The following TMEM68 variants were observed in gnomAD, a reference collection of about 807,000 sequenced individuals.
The protein encoded by TMEM68 is transmembrane protein 68, also known as DGAT1/2-independent enzyme synthesizing storage lipids.
TMEM68 carries 25 observed loss-of-function variants against 36.9 expected under a neutral mutation model. The observed-to-expected ratio is 0.68, with a 90% CI of 0.49 to 0.95. The LOEUF (loss-of-function observed/expected upper bound fraction) is 0.95, where lower values mean the gene tolerates loss of function less well. Ranked by LOEUF, TMEM68 falls within the 40% of genes least tolerant of loss-of-function variation. The pLI, the probability that TMEM68 is intolerant of heterozygous loss-of-function variation, is 0.00. For missense variants in TMEM68, 333 were observed against 392.0 expected, an observed-to-expected ratio of 0.85 and a Z score of 1.27; for synonymous variants, 131 against 124.4, an observed-to-expected ratio of 1.05 and a Z score of -0.35.
chr8:55,762,043 A>T (rs1338995467), intron 3 of TMEM68: 4 of 152,214 alleles, frequency 2.6e-5, no homozygotes, highest in Non-Finnish European at 5.9e-5. Flanking sequence ...AATTTTCATG[A>T]TGGCCAAACA....
intron 3 of TMEM68, among the ~76,000 whole-genome samples, chr8:55,759,767 T>C (rs917079766): frequency 1.3e-5 from 2 of 152,290 alleles, no homozygotes; most frequent in South Asian, 4.1e-4. Flanking sequence ...CTTTAGAAAT[T>C]TCCTCATTCT....
intron 4 of TMEM68, among the ~76,000 whole-genome samples, chr8:55,755,990 A>C (rs1810594064): frequency 6.6e-6 from 1 of 151,976 alleles, no homozygotes; most frequent in African/African-American, 2.4e-5. Context: ...ATTTTCACTT[A>C]AAAATAAACA....
At chr8:55,745,401 ATAT>A (rs1223020302) in intron 5 of TMEM68, 1 of 192,776 alleles carries the variant, frequency 5.2e-6, no homozygotes, top group African/African-American at 2.3e-5. Flanking sequence ...GGCCTGTTTG[ATAT>A]TATGAAAATA....
chr8:55,766,895 A>G (rs1410397505), intron 1 of TMEM68, among the ~76,000 whole-genome samples: 2 of 152,204 alleles, frequency 1.3e-5, no homozygotes, highest in Non-Finnish European at 2.9e-5. Context: ...TATTTTGAAG[A>G]TAATGCCAAC....
At chr8:55,754,767 T>C (rs1810540552) in intron 4 of TMEM68, among the ~76,000 whole-genome samples, 1 of 38,014 alleles carries the variant, frequency 2.6e-5, no homozygotes, top group African/African-American at 7.9e-5. Context: ...AATACATACA[T>C]TATATATTTA....
rs371919764 is a variant in TMEM68, at chr8:55,758,121, CA to C, written c.326-1711del. On this transcript the variant is annotated intron_variant, in intron 3 of 7. Coordinates refer to ENST00000434581, the MANE Select transcript of TMEM68 (RefSeq NM_001286657.2). Reference sequence around the variant, plus strand: ...AGACTCTTCCTGTGGCAAAGGCATACAGGACTGAAGGTGGAGCAGAAACAAC... The same window carrying C: ...AGACTCTTCCTGTGGCAAAGGCATACGGACTGAAGGTGGAGCAGAAACAAC... Among the ~76,000 whole-genome samples, 7 of 152,222 alleles carry C rather than the reference CA, an allele frequency of 4.6e-5. No homozygotes were observed. The East Asian group carries it at 1.2e-3, about 25-fold the overall frequency.
intron 1 of TMEM68, among the ~76,000 whole-genome samples, chr8:55,768,662 A>T (rs1811050645): frequency 6.6e-6 from 1 of 152,052 alleles, no homozygotes; most frequent in African/African-American, 2.4e-5. Flanking sequence ...CCTGGGCAAC[A>T]CAGTGAAACC....
At chr8:55,754,709 T>C (rs1213608096) in intron 4 of TMEM68, among the ~76,000 whole-genome samples, 29 of 124,416 alleles carry the variant, frequency 2.3e-4, no homozygotes, top group African/African-American at 8.6e-4. Flanking sequence ...TACATACTTA[T>C]ATATATATTA....
chr8:55,744,291 C>CA (rs1810195403), intron 6 of TMEM68, among the ~76,000 whole-genome samples: 1 of 19,146 alleles, frequency 5.2e-5, no homozygotes, highest in African/African-American at 2.5e-4. Context: ...AACAAACTGA[C>CA]AGACTAAATT....
chr8:55,762,660 C>T lies in TMEM68; in HGVS notation c.300G>A (p.Trp100Ter). ...DGARKTVATL[W>*]DGHAAVWHGY... ...CATGCCAAACGGCTGCATGTCCATC[C>T]CACAGAGTTGCCACTGTTTTCCTTG... Residue 100 changes from tryptophan (W) to a stop codon, truncating the protein, a stop_gained, in exon 3 of 8, where the codon TGG becomes TGA. Coordinates refer to ENST00000434581, the MANE Select transcript of TMEM68 (RefSeq NM_001286657.2). LOFTEE classifies it high-confidence loss of function. 1 of 1,614,166 alleles carries T rather than the reference C, an allele frequency of 6.2e-7. No homozygotes were observed. Among genetic ancestry groups the T allele is most frequent in the Non-Finnish European group, 8.5e-7 (1 of 1,180,038 alleles).
intron 7 of TMEM68, among the ~76,000 whole-genome samples, chr8:55,742,621 C>A (rs1362482628): frequency 6.6e-6 from 1 of 152,028 alleles, no homozygotes; most frequent in African/African-American, 2.4e-5. Context: ...TTCACTGTAA[C>A]CTTGACCTCC....
At chr8:55,740,569 A>G (rs895925330) in intron 7 of TMEM68, among the ~76,000 whole-genome samples, 2 of 152,202 alleles carry the variant, frequency 1.3e-5, no homozygotes, top group African/African-American at 4.8e-5. Flanking sequence ...TACATCTTAG[A>G]ATTTCTCCAG....
At chr8:55,767,294 A>G (rs1190506411) in intron 1 of TMEM68, among the ~76,000 whole-genome samples, 2 of 152,204 alleles carry the variant, frequency 1.3e-5, no homozygotes, top group African/African-American at 4.8e-5. Flanking sequence ...TATTGCTTAT[A>G]AGCATCTAAG....
chr8:55,753,550 T>A (rs1347484999), intron 4 of TMEM68, among the ~76,000 whole-genome samples: 1 of 152,192 alleles, frequency 6.6e-6, no homozygotes, highest in South Asian at 2.1e-4. Flanking sequence ...TAGTGACACA[T>A]GGATACCCAA....
chr8:55,765,105 T>A (rs927483311), intron 1 of TMEM68, among the ~76,000 whole-genome samples: 1 of 152,024 alleles, frequency 6.6e-6, no homozygotes, highest in Non-Finnish European at 1.5e-5. Flanking sequence ...CAAATCACTA[T>A]AATTTACCCA....
intron 4 of TMEM68, among the ~76,000 whole-genome samples, chr8:55,754,691 A>ATATAAAATACATATAT (rs1371815181): frequency 6.2e-5 from 8 of 129,736 alleles, no homozygotes; most frequent in South Asian, 2.2e-4. Flanking sequence ...TATATATTAT[A>ATATAAAATACATATAT]TATGAAATAC....
intron 1 of TMEM68, among the ~76,000 whole-genome samples, chr8:55,767,924 G>A (rs1031991388): frequency 1.3e-5 from 2 of 151,656 alleles, no homozygotes; most frequent in Non-Finnish European, 2.9e-5. Flanking sequence ...CAACAACAGC[G>A]AAACTCAGTC....
intron 4 of TMEM68, among the ~76,000 whole-genome samples, chr8:55,755,237 G>T (rs1254649797): frequency 6.6e-6 from 1 of 151,122 alleles, no homozygotes; most frequent in Non-Finnish European, 1.5e-5. Context: ...TACTTTTTAG[G>T]GTAGTATAAT....
chr8:55,741,123 T>C (rs547849712), intron 7 of TMEM68, among the ~76,000 whole-genome samples: 299 of 152,140 alleles, frequency 2.0e-3, no homozygotes, highest in South Asian at 5.0e-3. Context: ...TCCCAGCTAC[T>C]TGGGAGGCTG....
Sources: gnomAD v4.1 joint callset for allele counts (sites outside exome capture counted in the v4.1 genomes callset) on GRCh38, gnomAD v4.1.1 for gene constraint, MANE v1.5 for transcripts, NCBI Gene and HGNC (gene_info 2026-07-23, HGNC 2026-07-21) for gene names.